Variants in SGMS1 observed in about 807,000 individuals in gnomAD.
The protein encoded by SGMS1 is sphingomyelin synthase 1.
Under a neutral mutation model 46.2 loss-of-function variants are expected in SGMS1, and 13 were observed. The ratio of observed to expected loss-of-function variants is 0.28; its 90% CI spans 0.18 to 0.45. The LOEUF (loss-of-function observed/expected upper bound fraction) is 0.45, where lower values mean the gene tolerates loss of function less well. Ranked by LOEUF, SGMS1 falls within the 20% of genes least tolerant of loss-of-function variation. SGMS1 has a pLI of 1.00. For missense variants in SGMS1, 324 were observed against 519.9 expected (o/e 0.62, Z 3.66); for synonymous variants, 203 against 187.8 (o/e 1.08, Z -0.66).
chr10:50,516,627 T>TTAGC (rs1837808877), intron 3 of SGMS1, among the ~76,000 whole-genome samples: 1 of 152,198 alleles, frequency 6.6e-6, no homozygotes, highest in Non-Finnish European at 1.5e-5. Context: ...TGTCATATGT[T>TTAGC]TAGCTAGCTT....
chr10:50,372,240 C>T (rs1172049267), intron 6 of SGMS1, among the ~76,000 whole-genome samples: 1 of 152,186 alleles, frequency 6.6e-6, no homozygotes, highest in Non-Finnish European at 1.5e-5. Flanking sequence ...TACGTTTGAT[C>T]ATAACATACT....
chr10:50,318,335 A>G (rs1257579677), intron 8 of SGMS1, among the ~76,000 whole-genome samples: 1 of 152,176 alleles, frequency 6.6e-6, no homozygotes, highest in Non-Finnish European at 1.5e-5. Flanking sequence ...TTACCATCCT[A>G]GCCTCAGTTT....
chr10:50,504,299 C>T (rs1172633026), intron 3 of SGMS1, among the ~76,000 whole-genome samples: 1 of 152,030 alleles, frequency 6.6e-6, no homozygotes, highest in African/African-American at 2.4e-5. Context: ...TTAATAAGTG[C>T]CCTGAGGAAA....
chr10:50,477,192 G>A (rs79584866), intron 3 of SGMS1, among the ~76,000 whole-genome samples: 3,961 of 152,368 alleles, frequency 0.026, 179 homozygotes, highest in African/African-American at 0.089. Flanking sequence ...CCCAAAGCTT[G>A]GAAGTCCATG....
At chr10:50,575,354 G>A (rs1838374589) in intron 2 of SGMS1, among the ~76,000 whole-genome samples, 1 of 152,034 alleles carries the variant, frequency 6.6e-6, no homozygotes, top group Non-Finnish European at 1.5e-5. Flanking sequence ...AGGAGTTCGA[G>A]ACCAGCCTAG....
At chr10:50,586,631 A>G (rs1230240914) in intron 2 of SGMS1, among the ~76,000 whole-genome samples, 1 of 152,260 alleles carries the variant, frequency 6.6e-6, no homozygotes, top group Non-Finnish European at 1.5e-5. Flanking sequence ...CGTAGAAAAC[A>G]TGTGCCAGTA....
At chr10:50,568,143 G>T (rs535773423) in intron 2 of SGMS1, among the ~76,000 whole-genome samples, 1 of 152,078 alleles carries the variant, frequency 6.6e-6, no homozygotes, top group Non-Finnish European at 1.5e-5. Context: ...TAAACAAAAA[G>T]CATCTAGTAC....
chr10:50,575,742 G>A (rs1838378925), intron 2 of SGMS1, among the ~76,000 whole-genome samples: 1 of 152,042 alleles, frequency 6.6e-6, no homozygotes, highest in Non-Finnish European at 1.5e-5. Context: ...CATTAATTAT[G>A]TGAAGGTTTT....
intron 6 of SGMS1, among the ~76,000 whole-genome samples, chr10:50,351,012 A>C (rs1335246605): frequency 6.6e-6 from 1 of 152,208 alleles, no homozygotes; most frequent in Non-Finnish European, 1.5e-5. Context: ...ACTCAATGCC[A>C]GTCCATGAAA....
At chr10:50,448,839 C>T (rs1353485431) in intron 5 of SGMS1, among the ~76,000 whole-genome samples, 1 of 150,842 alleles carries the variant, frequency 6.6e-6, no homozygotes, top group Non-Finnish European at 1.5e-5. Context: ...CCAAAATATT[C>T]AAAGAACTCT....
chr10:50,419,972 A>G (rs146839400), intron 6 of SGMS1, among the ~76,000 whole-genome samples: 2 of 152,314 alleles, frequency 1.3e-5, no homozygotes, highest in Non-Finnish European at 2.9e-5. Context: ...AAAAGCCAAG[A>G]GCTCCCTTCC....
At chr10:50,404,327 T>A (rs547890653) in intron 6 of SGMS1, among the ~76,000 whole-genome samples, 27 of 149,988 alleles carry the variant, frequency 1.8e-4, no homozygotes, top group Admixed American at 3.3e-4. Flanking sequence ...TTTTTTTTTT[T>A]AAAAAGGCCA....
At chr10:50,353,995 C>A (rs1428843580) in intron 6 of SGMS1, among the ~76,000 whole-genome samples, 1 of 152,006 alleles carries the variant, frequency 6.6e-6, no homozygotes, top group African/African-American at 2.4e-5. Flanking sequence ...GAATCAACAT[C>A]GTGAAAATGG....
At chr10:50,362,903 G>C (rs1848272924) in intron 6 of SGMS1, among the ~76,000 whole-genome samples, 1 of 152,118 alleles carries the variant, frequency 6.6e-6, no homozygotes, top group African/African-American at 2.4e-5. Flanking sequence ...AAAGAAGAGA[G>C]AGCAACATGT....
chr10:50,467,394 C>T (rs1369957342), intron 3 of SGMS1, among the ~76,000 whole-genome samples: 1 of 149,222 alleles, frequency 6.7e-6, no homozygotes, highest in Non-Finnish European at 1.5e-5. Context: ...CCACAGACCA[C>T]ATACATAAGT....
At chr10:50,451,657 G>C (rs1332463375) in intron 5 of SGMS1, among the ~76,000 whole-genome samples, 3 of 152,002 alleles carry the variant, frequency 2.0e-5, no homozygotes, top group Non-Finnish European at 4.4e-5. Flanking sequence ...TATAACATGG[G>C]ATTCTGAAGA....
At chr10:50,431,812 G>A (rs927230128) in intron 6 of SGMS1, among the ~76,000 whole-genome samples, 3 of 152,176 alleles carry the variant, frequency 2.0e-5, no homozygotes, top group Non-Finnish European at 4.4e-5. Context: ...ATGGGGAAGG[G>A]AGAGAAGGAA....
At chr10:50,576,307 C>T (rs1588881968) in intron 2 of SGMS1, among the ~76,000 whole-genome samples, 1 of 152,136 alleles carries the variant, frequency 6.6e-6, no homozygotes, top group Admixed American at 6.5e-5. Context: ...TAACTGTGAC[C>T]TCCACACAGG....
intron 1 of SGMS1, among the ~76,000 whole-genome samples, chr10:50,606,186 T>C (rs2131919497): frequency 6.6e-6 from 1 of 152,344 alleles, no homozygotes; most frequent in East Asian, 1.9e-4. Context: ...TGCTACAATA[T>C]GCGTGAACTC....
Sources: allele counts gnomAD v4.1 joint callset (sites outside exome capture counted in the v4.1 genomes callset), GRCh38; gene constraint gnomAD v4.1.1; transcripts MANE v1.5; gene names NCBI Gene and HGNC (gene_info 2026-07-23, HGNC 2026-07-21).